Variants in KCNIP1 observed in about 807,000 individuals in gnomAD.
KCNIP1 encodes A-type potassium channel modulatory protein KCNIP1.
In KCNIP1, 18 loss-of-function variants were observed where a neutral mutation model predicts 33.0. The ratio of observed to expected loss-of-function variants is 0.55; its 90% CI spans 0.38 to 0.81. KCNIP1 has a LOEUF of 0.81. Among genes scored for constraint, KCNIP1 ranks in the 30% least tolerant of loss-of-function variants. The pLI is 0.00. For missense variants in KCNIP1, 238 were observed against 271.6 expected, an observed-to-expected ratio of 0.88 and a Z score of 0.87; for synonymous variants, 93 against 98.3, an observed-to-expected ratio of 0.95 and a Z score of 0.32.
chr5:170,525,865 G>A (rs114380989), intron 1 of KCNIP1, among the ~76,000 whole-genome samples: 1,537 of 152,264 alleles, frequency 0.01, 26 homozygotes, highest in African/African-American at 0.035. Context: ...TGTTAGCTGC[G>A]CCTCCCACCC....
At chr5:170,598,384 T>C (rs1474878234) in intron 1 of KCNIP1, among the ~76,000 whole-genome samples, 2 of 152,078 alleles carry the variant, frequency 1.3e-5, no homozygotes, top group Non-Finnish European at 2.9e-5. Context: ...TCTGAGTCCA[T>C]GTTTGGTGAA....
chr5:170,539,635 C>T (rs768620354), intron 1 of KCNIP1, among the ~76,000 whole-genome samples: 5 of 152,274 alleles, frequency 3.3e-5, no homozygotes, highest in East Asian at 1.9e-4. Flanking sequence ...ATCTTGTGAA[C>T]GTGCTGCTGG....
chr5:170,435,665 T>C (rs1279355445), intron 1 of KCNIP1, among the ~76,000 whole-genome samples: 1 of 152,192 alleles, frequency 6.6e-6, no homozygotes, highest in Non-Finnish European at 1.5e-5. Context: ...GGACAAGCCT[T>C]CACTGACCCT....
Position 170,665,491 on chromosome 5 carries a change from G to C in KCNIP1, c.62-53267G>C, listed in dbSNP as rs13358220. On this transcript the variant is annotated intron_variant, in intron 1 of 7. Transcript: ENST00000328939. ...AAAACAAACTCTTCATTTTAGAATA[G>C]TTTTAAATTATAGTTAGAGAAAAAC... Among the ~76,000 whole-genome samples, 1,204 of 152,258 alleles carry C rather than the reference G, an allele frequency of 7.9e-3. 17 individuals are homozygous for C. Among genetic ancestry groups the C allele is most frequent in the African/African-American group, 0.027 (1,105 of 41,530 alleles).
chr5:170,456,683 CTT>C lies in KCNIP1; in HGVS notation c.88+102721_88+102722del, dbSNP rs1340577844. ...TTGTTTTCTTTCTTTCTCTTTCTTT[CTT>C]TCTCTCTCTCTCTCTTTTTCTTTCT... On this transcript the variant is annotated intron_variant, in intron 1 of 7. Transcript: ENST00000377360. Among the ~76,000 whole-genome samples the C allele has an allele frequency of 8.3e-5, 11 of 132,492 alleles. 1 individual carries two copies. The East Asian group carries it at 1.4e-3, about 16-fold the overall frequency. The allele number at this position is 132,492 out of a possible 152,430, so 86.9% of individuals were successfully genotyped here. A position where few individuals can be genotyped will look rare whatever the true frequency, so the allele number is the denominator to read the frequency against.
chr5:170,380,307 T>C (rs1047588268), intron 1 of KCNIP1, among the ~76,000 whole-genome samples: 2 of 152,238 alleles, frequency 1.3e-5, no homozygotes, highest in Admixed American at 1.3e-4. Context: ...CCCAGGTCCC[T>C]ACCCACTCTG....
chr5:170,375,586 G>C (rs1038715579), intron 1 of KCNIP1: 1 of 96,920 alleles, frequency 1.0e-5, no homozygotes, highest in African/African-American at 4.1e-5. Flanking sequence ...AGCTGGCTCT[G>C]CCCCTCAGCC....
chr5:170,611,052 C>G (rs1759130318), intron 1 of KCNIP1, among the ~76,000 whole-genome samples: 1 of 152,232 alleles, frequency 6.6e-6, no homozygotes, highest in Non-Finnish European at 1.5e-5. Flanking sequence ...TATTAAGTGC[C>G]AAAGCCAGGA....
intron 1 of KCNIP1, among the ~76,000 whole-genome samples, chr5:170,361,720 T>C (rs140682195): frequency 6.6e-6 from 1 of 152,210 alleles, no homozygotes; most frequent in African/African-American, 2.4e-5. Flanking sequence ...TCGTGGGGAC[T>C]CTTCCTGGCT....
intron 1 of KCNIP1, among the ~76,000 whole-genome samples, chr5:170,635,866 G>A (rs915417326): frequency 2.0e-5 from 3 of 152,232 alleles, no homozygotes; most frequent in Admixed American, 2.0e-4. Flanking sequence ...CAGGCAGGAG[G>A]CCAGGCAGGG....
chr5:170,502,056 A>AC (rs1381380666), upstream of KCNIP1, among the ~76,000 whole-genome samples: 2 of 152,150 alleles, frequency 1.3e-5, no homozygotes, highest in Non-Finnish European at 2.9e-5. Context: ...TCCCCAGGAG[A>AC]CCACGACAGA....
At chr5:170,510,532 A>G (rs1754893885) in intron 1 of KCNIP1, among the ~76,000 whole-genome samples, 1 of 152,188 alleles carries the variant, frequency 6.6e-6, no homozygotes, top group Non-Finnish European at 1.5e-5. Flanking sequence ...CAGGGAAGGA[A>G]CAGTTTTTAG....
intron 1 of KCNIP1, among the ~76,000 whole-genome samples, chr5:170,358,471 A>G (rs1763408049): frequency 6.6e-6 from 1 of 152,194 alleles, no homozygotes; most frequent in African/African-American, 2.4e-5. Context: ...GGACCCGGGC[A>G]TGGACTCTGC....
chr5:170,448,886 G>A (rs1756181098), intron 1 of KCNIP1, among the ~76,000 whole-genome samples: 1 of 152,176 alleles, frequency 6.6e-6, no homozygotes, highest in Non-Finnish European at 1.5e-5. Flanking sequence ...AACCCTACAA[G>A]GTAATTGTTC....
At chr5:170,422,829 T>C (rs1168671803) in intron 1 of KCNIP1, 1 of 152,222 alleles carries the variant, frequency 6.6e-6, no homozygotes, top group Non-Finnish European at 1.5e-5. Flanking sequence ...GACTTAAATT[T>C]AACTGTGAAC....
chr5:170,389,549 CAG>C (rs1381969355), intron 1 of KCNIP1: 2 of 152,222 alleles, frequency 1.3e-5, no homozygotes, highest in African/African-American at 4.8e-5. Flanking sequence ...TCGTGGGAAA[CAG>C]ATTTCAAACA....
At chr5:170,722,083 C>T (rs545868436) in intron 4 of KCNIP1, among the ~76,000 whole-genome samples, 180 bp downstream of exon 4, 1 of 152,280 alleles carries the variant, frequency 6.6e-6, no homozygotes, top group Middle Eastern at 3.4e-3. Context: ...CTTTCCCTGG[C>T]CTGCAGGAAC....
At chr5:170,451,729 G>C (rs1029824299) in intron 1 of KCNIP1, among the ~76,000 whole-genome samples, 4 of 129,648 alleles carry the variant, frequency 3.1e-5, no homozygotes, top group Non-Finnish European at 5.1e-5. Context: ...TGCATTGTGT[G>C]TGTGTGTGTG....
At chr5:170,735,475 A>G (rs909784407) in intron 7 of KCNIP1, among the ~76,000 whole-genome samples, 3 of 152,246 alleles carry the variant, frequency 2.0e-5, no homozygotes, top group African/African-American at 4.8e-5. Context: ...GAGAAAAAAT[A>G]TAATCATTTC....
Sources: gnomAD v4.1 joint callset for allele counts (sites outside exome capture counted in the v4.1 genomes callset) on GRCh38, gnomAD v4.1.1 for gene constraint, MANE v1.5 for transcripts, NCBI Gene and HGNC (gene_info 2026-07-23, HGNC 2026-07-21) for gene names.